Variants in BACH2 observed in about 807,000 individuals in gnomAD.
BACH2 encodes the protein BACH transcriptional regulator 2, also known as transcription regulator protein BACH2.
In BACH2, 5 loss-of-function variants were observed where a neutral mutation model predicts 61.8. That is an observed-to-expected ratio of 0.08 (90% CI 0.04 to 0.17). BACH2 has a LOEUF of 0.17. Among genes scored for constraint, BACH2 ranks in the 10% least tolerant of loss-of-function variants. The pLI is 1.00. For missense variants in BACH2, 824 were observed against 1,091.1 expected (o/e 0.76, Z 3.45); for synonymous variants, 446 against 440.1 (o/e 1.01, Z -0.17).
At chr6:90,051,091 T>C (rs1018044783) in intron 5 of BACH2, among the ~76,000 whole-genome samples, 4 of 152,178 alleles carry the variant, frequency 2.6e-5, no homozygotes, top group Admixed American at 2.6e-4. Context: ...AAAGGGATTC[T>C]GAAACCAAAA....
chr6:90,172,665 T>C (rs968694937), intron 4 of BACH2, among the ~76,000 whole-genome samples: 2 of 152,034 alleles, frequency 1.3e-5, no homozygotes, highest in African/African-American at 4.8e-5. Context: ...CTTTCATAAA[T>C]AAAGCATGAA....
At chr6:90,177,031 ATAT>A (rs1181405942) in intron 4 of BACH2, among the ~76,000 whole-genome samples, 1 of 152,158 alleles carries the variant, frequency 6.6e-6, no homozygotes, top group African/African-American at 2.4e-5. Context: ...TAATATTAAA[ATAT>A]TATTTCATGG....
chr6:90,275,694 G>A (rs1219231286), intron 1 of BACH2, among the ~76,000 whole-genome samples: 1 of 151,758 alleles, frequency 6.6e-6, no homozygotes, highest in African/African-American at 2.4e-5. Context: ...CTGTTGTTCT[G>A]GATGGGCGTA....
chr6:90,250,220 T>C (rs1770762695), intron 3 of BACH2, among the ~76,000 whole-genome samples: 1 of 152,196 alleles, frequency 6.6e-6, no homozygotes, highest in African/African-American at 2.4e-5. Context: ...AAAAAGCGAA[T>C]CCTGTTTAAA....
At chr6:90,035,629 G>C (rs79794076) in intron 5 of BACH2, among the ~76,000 whole-genome samples, 1,956 of 152,018 alleles carry the variant, frequency 0.013, 40 homozygotes, top group African/African-American at 0.045. Flanking sequence ...TGTTGGGACC[G>C]GGGGTTCCTC....
At chr6:89,935,757 T>A (rs1241542321) in intron 8 of BACH2, among the ~76,000 whole-genome samples, 2 of 152,178 alleles carry the variant, frequency 1.3e-5, no homozygotes, top group Non-Finnish European at 2.9e-5. Context: ...CTAAGCAGAA[T>A]GCAAATTACC....
chr6:90,296,361 T>C (rs1772388566), intron 1 of BACH2, 119 bp downstream of exon 1: 1 of 149,116 alleles, frequency 6.7e-6, no homozygotes, highest in Admixed American at 6.6e-5. Context: ...CGGCCGGGGC[T>C]CCCTTCCCGC....
At chr6:90,033,710 AC>A (rs1220536900) in intron 5 of BACH2, among the ~76,000 whole-genome samples, 5 of 152,148 alleles carry the variant, frequency 3.3e-5, no homozygotes, top group Admixed American at 2.0e-4. Flanking sequence ...TTAAAAAAAA[AC>A]GTAAGTTTCT....
chr6:90,254,871 A>G (rs1233267461), intron 2 of BACH2, among the ~76,000 whole-genome samples: 1 of 152,134 alleles, frequency 6.6e-6, no homozygotes, highest in Non-Finnish European at 1.5e-5. Flanking sequence ...CAAACTCAAA[A>G]CTACTCCCCT....
intron 5 of BACH2, among the ~76,000 whole-genome samples, chr6:90,042,339 C>A (rs1042576512): frequency 6.6e-6 from 1 of 151,332 alleles, no homozygotes; most frequent in South Asian, 2.1e-4. Context: ...ACTATGGGTA[C>A]GGGACACTGC....
intron 2 of BACH2, among the ~76,000 whole-genome samples, chr6:90,268,343 G>A (rs1023919134): frequency 1.3e-5 from 2 of 152,112 alleles, no homozygotes; most frequent in Non-Finnish European, 2.9e-5. Flanking sequence ...ATGTGAAGGG[G>A]ACAGTCCCCA....
At chr6:90,235,099 C>T (rs187407885) in intron 3 of BACH2, among the ~76,000 whole-genome samples, 20 of 152,208 alleles carry the variant, frequency 1.3e-4, no homozygotes, top group Non-Finnish European at 2.4e-4. Flanking sequence ...ACCAAAAAAC[C>T]AAGACCTTTT....
At chr6:90,060,002 C>T (rs1207466933) in intron 5 of BACH2, among the ~76,000 whole-genome samples, 3 of 148,752 alleles carry the variant, frequency 2.0e-5, no homozygotes, top group African/African-American at 7.5e-5. Context: ...GGAGGGATAG[C>T]ATTAGGAGAT....
At chr6:90,033,222 G>A (rs1779096395) in intron 5 of BACH2, among the ~76,000 whole-genome samples, 1 of 151,976 alleles carries the variant, frequency 6.6e-6, no homozygotes, top group Non-Finnish European at 1.5e-5. Context: ...AGGAGGGAGG[G>A]GGGAGGAATA....
chr6:90,090,722 A>G (rs1406202423), intron 4 of BACH2, among the ~76,000 whole-genome samples: 1 of 152,162 alleles, frequency 6.6e-6, no homozygotes, highest in Non-Finnish European at 1.5e-5. Flanking sequence ...TCCACATGGA[A>G]AAGCATGTGA....
At chr6:90,255,986 C>T (rs771800492) in intron 2 of BACH2, among the ~76,000 whole-genome samples, 6 of 152,180 alleles carry the variant, frequency 3.9e-5, no homozygotes, top group Admixed American at 1.3e-4. Flanking sequence ...CATTTTCCAA[C>T]GGAGACTTGC....
intron 4 of BACH2, among the ~76,000 whole-genome samples, chr6:90,177,503 C>T (rs897953227): frequency 5.9e-5 from 9 of 152,180 alleles, no homozygotes; most frequent in Non-Finnish European, 1.2e-4. Context: ...TCCCCAGGAC[C>T]TTCCAGTTAG....
At chr6:89,936,251 G>T (rs1340394361) in intron 8 of BACH2, among the ~76,000 whole-genome samples, 2 of 152,310 alleles carry the variant, frequency 1.3e-5, no homozygotes, top group Middle Eastern at 3.4e-3. Flanking sequence ...ACAGGCAGGT[G>T]CCCAGCCTAA....
At chr6:90,127,615 A>G (rs566192353) in intron 4 of BACH2, among the ~76,000 whole-genome samples, 2 of 152,242 alleles carry the variant, frequency 1.3e-5, no homozygotes, top group Admixed American at 6.5e-5. Flanking sequence ...AATGATTTAC[A>G]TTAAAAAATC....
Sources: gnomAD v4.1 joint callset for allele counts (sites outside exome capture counted in the v4.1 genomes callset) on GRCh38, gnomAD v4.1.1 for gene constraint, MANE v1.5 for transcripts, NCBI Gene and HGNC (gene_info 2026-07-23, HGNC 2026-07-21) for gene names.